Variants in FHOD3 observed in about 807,000 individuals in gnomAD.
FHOD3 encodes the protein FH1/FH2 domain-containing protein 3.
Under a neutral mutation model 173.0 loss-of-function variants are expected in FHOD3, and 90 were observed. The ratio of observed to expected loss-of-function variants is 0.52; its 90% CI spans 0.44 to 0.62. FHOD3 has a LOEUF of 0.62. Among genes scored for constraint, FHOD3 ranks in the 20% least tolerant of loss-of-function variants. The probability of loss-of-function intolerance (pLI) is 0.00; values close to 1 mark genes in which losing one functional copy is unlikely to be tolerated. For missense variants in FHOD3, 1,945 were observed against 2,034.7 expected (o/e 0.96, Z 0.85); for synonymous variants, 828 against 823.0 (o/e 1.01, Z -0.10).
intron 3 of FHOD3, among the ~76,000 whole-genome samples, chr18:36,481,450 CTTT>C (rs71168228): frequency 6.8e-6 from 1 of 146,008 alleles, no homozygotes. Context: ...AGGCAGACAA[CTTT>C]TTTTTTTTTT....
At chr18:36,655,237 A>G (rs1568558113) in intron 13 of FHOD3, among the ~76,000 whole-genome samples, 2 of 152,116 alleles carry the variant, frequency 1.3e-5, no homozygotes, top group Non-Finnish European at 2.9e-5. Context: ...AACAATATCT[A>G]TGTGCAAGTT....
At chr18:36,622,184 G>A (rs1351925961) in intron 9 of FHOD3, among the ~76,000 whole-genome samples, 4 of 152,164 alleles carry the variant, frequency 2.6e-5, no homozygotes, top group Non-Finnish European at 5.9e-5. Flanking sequence ...TAAGGAGAGG[G>A]GGTGAAGGAG....
intron 3 of FHOD3, among the ~76,000 whole-genome samples, chr18:36,480,006 T>C (rs2053793084): frequency 6.6e-6 from 1 of 152,202 alleles, no homozygotes. Context: ...GTTAAAACAA[T>C]TACAGCCAGC....
At chr18:36,719,456 A>G (rs983172164) in intron 19 of FHOD3, among the ~76,000 whole-genome samples, 2 of 152,238 alleles carry the variant, frequency 1.3e-5, no homozygotes, top group African/African-American at 2.4e-5. Context: ...CAGATTTTAT[A>G]TCTAATTCCC....
intron 1 of FHOD3, among the ~76,000 whole-genome samples, chr18:36,298,842 G>A (rs113755136): frequency 0.01 from 1,549 of 152,040 alleles, 24 homozygotes; most frequent in African/African-American, 0.035. Context: ...TTGTTGCAAA[G>A]AGGTGGGTAT....
intron 10 of FHOD3, among the ~76,000 whole-genome samples, chr18:36,637,469 TG>T (rs1179125604): frequency 3.9e-5 from 6 of 152,172 alleles, no homozygotes; most frequent in Non-Finnish European, 8.8e-5. Context: ...TTGGCCAGGC[TG>T]GTCTTGAACT....
chr18:36,442,716 A>G (rs2051223645), intron 3 of FHOD3, among the ~76,000 whole-genome samples: 2 of 152,248 alleles, frequency 1.3e-5, no homozygotes, highest in East Asian at 3.8e-4. Flanking sequence ...TAGTACAAGC[A>G]GTAAAGTCAA....
chr18:36,488,931 G>C (rs2054322911), intron 3 of FHOD3, among the ~76,000 whole-genome samples: 1 of 152,170 alleles, frequency 6.6e-6, no homozygotes, highest in South Asian at 2.1e-4. Flanking sequence ...GAGCAGGTGG[G>C]AGACAGGTTC....
At chr18:36,438,298 CTT>C (rs2050929091) in intron 3 of FHOD3, among the ~76,000 whole-genome samples, 1 of 152,184 alleles carries the variant, frequency 6.6e-6, no homozygotes, top group Non-Finnish European at 1.5e-5. Flanking sequence ...GTGGAGTGTG[CTT>C]GCAGGTTACC....
At chr18:36,637,410 C>G (rs1051019074) in intron 10 of FHOD3, among the ~76,000 whole-genome samples, 5 of 152,116 alleles carry the variant, frequency 3.3e-5, no homozygotes, top group Admixed American at 6.5e-5. Flanking sequence ...TTCATGTGAG[C>G]ACATCCAGCT....
chr18:36,578,406 C>T (rs2058733930), intron 6 of FHOD3, among the ~76,000 whole-genome samples: 1 of 152,172 alleles, frequency 6.6e-6, no homozygotes, highest in African/African-American at 2.4e-5. Context: ...CCTCATGATT[C>T]ACTTACCTCC....
Position 36,653,268 on chromosome 18 carries a change from C to T in FHOD3, c.1647-74C>T, listed in dbSNP as rs1893434. 617,181 of 1,188,590 alleles carry T rather than the reference C, an allele frequency of 0.52. 162,410 individuals are homozygous for T. Among genetic ancestry groups the T allele is most frequent in the African/African-American group, 0.7 (45,234 of 64,898 alleles). The allele number at this position is 1,188,590 out of a possible 1,614,324, so 73.6% of individuals were successfully genotyped here. A position where few individuals can be genotyped will look rare whatever the true frequency, so the allele number is the denominator to read the frequency against. ...GCCAGGTGGCATGAAGTCTTTTTGA[C>T]GCTGAAGAATGTATCAAAGTCCTTT... On this transcript the variant is annotated intron_variant, in intron 12 of 28. Transcript: ENST00000590592.
intron 6 of FHOD3, among the ~76,000 whole-genome samples, chr18:36,582,984 C>T (rs2058908789): frequency 6.6e-6 from 1 of 152,182 alleles, no homozygotes; most frequent in African/African-American, 2.4e-5. Context: ...GTTCCAGCCT[C>T]AAGATAATTA....
intron 1 of FHOD3, among the ~76,000 whole-genome samples, chr18:36,336,193 A>G (rs998441251): frequency 6.6e-6 from 1 of 152,160 alleles, no homozygotes; most frequent in Non-Finnish European, 1.5e-5. Context: ...CTCTATGAGG[A>G]TGATGGGTAT....
intron 3 of FHOD3, among the ~76,000 whole-genome samples, chr18:36,492,961 T>A (rs2054543399): frequency 6.6e-6 from 1 of 152,222 alleles, no homozygotes; most frequent in African/African-American, 2.4e-5. Flanking sequence ...TACGGCCAAT[T>A]CCATTTCTGT....
intron 1 of FHOD3, among the ~76,000 whole-genome samples, chr18:36,303,211 G>A (rs929082837): frequency 6.6e-6 from 1 of 152,234 alleles, no homozygotes; most frequent in African/African-American, 2.4e-5. Context: ...TGAGGCACAG[G>A]AGGTTAAGCA....
rs1249532518 is a variant in FHOD3 at position 36,388,397 on chromosome 18, AG to A, written c.337+15656del. Among the ~76,000 whole-genome samples, 6 of 152,336 alleles carry A rather than the reference AG, an allele frequency of 3.9e-5. No homozygotes were observed. In the East Asian group the frequency reaches 5.8e-4, roughly 15 times the overall value. ...TCCCATGAGAAGGCCTAGGAGTCAGAGGGCCAGCCCAGTCCCACTGTGACTG... is the reference window on the plus strand; with the variant it reads ...TCCCATGAGAAGGCCTAGGAGTCAGAGGCCAGCCCAGTCCCACTGTGACTG... On this transcript the variant is annotated intron_variant, in intron 3 of 28. Coordinates refer to ENST00000590592, the MANE Select transcript of FHOD3 (RefSeq NM_001281740.3).
At chr18:36,575,234 G>A (rs1831437936) in intron 5 of FHOD3, among the ~76,000 whole-genome samples, 1 of 152,186 alleles carries the variant, frequency 6.6e-6, no homozygotes, top group African/African-American at 2.4e-5. Flanking sequence ...GCCTCCCAAA[G>A]TGTTGGGATT....
intron 18 of FHOD3, among the ~76,000 whole-genome samples, chr18:36,716,536 A>G (rs979497785): frequency 1.3e-5 from 2 of 152,358 alleles, no homozygotes; most frequent in Non-Finnish European, 2.9e-5. Flanking sequence ...CCTTGAAACT[A>G]GATGAGACTG....
Sources: gnomAD v4.1 joint callset for allele counts (sites outside exome capture counted in the v4.1 genomes callset) on GRCh38, gnomAD v4.1.1 for gene constraint, MANE v1.5 for transcripts, NCBI Gene and HGNC (gene_info 2026-07-23, HGNC 2026-07-21) for gene names.